Variants in NPAS3 observed in about 807,000 individuals in gnomAD.
NPAS3 encodes neuronal PAS domain protein 3.
A neutral mutation model predicts 73.1 loss-of-function variants in NPAS3; 14 were observed. That is an observed-to-expected ratio of 0.19 (90% CI 0.13 to 0.30). The LOEUF is 0.30. Among genes scored for constraint, NPAS3 ranks in the 10% least tolerant of loss-of-function variants. The pLI is 1.00. For missense variants in NPAS3, 1,096 were observed against 1,250.0 expected (o/e 0.88, Z 1.86); for synonymous variants, 620 against 541.5 (o/e 1.14, Z -2.01).
At chr14:33,637,629 C>T (rs187732794) in intron 5 of NPAS3, among the ~76,000 whole-genome samples, 1 of 152,264 alleles carries the variant, frequency 6.6e-6, no homozygotes, top group Admixed American at 6.5e-5. Flanking sequence ...AAAATCAATA[C>T]ATCTTAGGCA....
chr14:33,050,864 A>G (rs1389581721), intron 1 of NPAS3, among the ~76,000 whole-genome samples: 2 of 152,236 alleles, frequency 1.3e-5, no homozygotes, highest in Admixed American at 6.5e-5. Flanking sequence ...CTGTGTTCTA[A>G]GTGCAAGTTC....
intron 5 of NPAS3, among the ~76,000 whole-genome samples, chr14:33,639,445 T>C (rs560532488): frequency 9.2e-5 from 14 of 152,328 alleles, no homozygotes; most frequent in Admixed American, 5.2e-4. Flanking sequence ...ATAATGTATT[T>C]GGCTTTTCTG....
intron 1 of NPAS3, among the ~76,000 whole-genome samples, chr14:32,954,459 T>C (rs992675638): frequency 2.0e-5 from 3 of 152,124 alleles, no homozygotes; most frequent in African/African-American, 7.2e-5. Flanking sequence ...AGGTCATAGC[T>C]AGTAAAGTTT....
intron 3 of NPAS3, among the ~76,000 whole-genome samples, chr14:33,258,844 C>T (rs1027566658): frequency 9.2e-5 from 14 of 152,080 alleles, no homozygotes; most frequent in Admixed American, 3.9e-4. Context: ...GATGGAGTCT[C>T]GCTCTGTCAC....
chr14:33,414,087 T>G lies in NPAS3; in HGVS notation c.468+46819T>G, dbSNP rs574579742. On this transcript the variant is annotated intron_variant, in intron 4 of 11. Transcript: ENST00000356141. ...TCCTTAGTTAGAGACTCAGGTTATGTGCATATTGCAATATTTCCATGCATT... is the reference window on the plus strand; with the variant it reads ...TCCTTAGTTAGAGACTCAGGTTATGGGCATATTGCAATATTTCCATGCATT... Among the ~76,000 whole-genome samples the G allele has an allele frequency of 8.1e-4, 123 of 152,294 alleles. 3 individuals are homozygous for G. The East Asian group carries it at 0.012, about 14-fold the overall frequency.
At chr14:33,213,291 A>G (rs1311750892) in intron 2 of NPAS3, among the ~76,000 whole-genome samples, 1 of 152,230 alleles carries the variant, frequency 6.6e-6, no homozygotes, top group Non-Finnish European at 1.5e-5. Flanking sequence ...TAATTGCAAG[A>G]ACACAAAAAG....
chr14:33,404,938 A>G (rs1301112117), intron 4 of NPAS3, among the ~76,000 whole-genome samples: 1 of 152,062 alleles, frequency 6.6e-6, no homozygotes, highest in Non-Finnish European at 1.5e-5. Flanking sequence ...TGTTTGTCCC[A>G]TGTTGCTCTT....
chr14:33,419,912 A>C (rs1009265642), intron 4 of NPAS3, among the ~76,000 whole-genome samples: 2 of 151,960 alleles, frequency 1.3e-5, no homozygotes, highest in African/African-American at 4.8e-5. Context: ...GACAGAATAT[A>C]CTAAGTGCTT....
chr14:33,666,934 G>C (rs1394275998), intron 5 of NPAS3, among the ~76,000 whole-genome samples: 1 of 151,924 alleles, frequency 6.6e-6, no homozygotes, highest in East Asian at 1.9e-4. Flanking sequence ...AAGGATTCTT[G>C]CTTCTAGAGC....
rs371175656 is a variant in NPAS3 at position 33,446,418 on chromosome 14, A to G, written c.468+79150A>G. 8.3e-5 allele frequency among the ~76,000 whole-genome samples: 12 copies of G among 145,396 alleles called. No individual in the cohort carries two copies. In the South Asian group the frequency reaches 9.0e-4, roughly 11 times the overall value. On this transcript the variant is annotated intron_variant, in intron 4 of 11. Transcript: ENST00000356141. ...TCTCGATCTCCTGACCTCATGATCCACCCGCCTCGGCCTCCCAAAGTGCTG... is the reference window on the plus strand; with the variant it reads ...TCTCGATCTCCTGACCTCATGATCCGCCCGCCTCGGCCTCCCAAAGTGCTG...
At chr14:33,223,378 T>A (rs189973280) in intron 3 of NPAS3, among the ~76,000 whole-genome samples, 2 of 152,314 alleles carry the variant, frequency 1.3e-5, no homozygotes, top group Admixed American at 1.3e-4. Context: ...CTGGAGTCCG[T>A]TGAACAAATA....
intron 1 of NPAS3, among the ~76,000 whole-genome samples, chr14:33,039,897 A>G (rs2040296263): frequency 6.6e-6 from 1 of 152,142 alleles, no homozygotes; most frequent in African/African-American, 2.4e-5. Context: ...CACAAGGTAT[A>G]TTTGTATGTT....
chr14:33,349,905 C>G (rs537071592), intron 3 of NPAS3, among the ~76,000 whole-genome samples: 1 of 152,320 alleles, frequency 6.6e-6, no homozygotes, highest in South Asian at 2.1e-4. Flanking sequence ...AAATTCTTCT[C>G]TAGCAGGAGA....
chr14:33,480,850 A>C (rs1344720339), intron 4 of NPAS3, among the ~76,000 whole-genome samples: 1 of 152,008 alleles, frequency 6.6e-6, no homozygotes, highest in African/African-American at 2.4e-5. Context: ...TGATGCTTAT[A>C]CTGAGTAAGG....
intron 3 of NPAS3, among the ~76,000 whole-genome samples, chr14:33,246,537 C>CAAAAAAAAA (rs56270689): frequency 9.7e-6 from 1 of 103,204 alleles, no homozygotes; most frequent in Non-Finnish European, 1.9e-5. Context: ...GACTTCATCT[C>CAAAAAAAAA]AAAAAAAAAA....
At chr14:33,346,817 A>G (rs1186245368) in intron 3 of NPAS3, among the ~76,000 whole-genome samples, 2 of 152,132 alleles carry the variant, frequency 1.3e-5, no homozygotes, top group Non-Finnish European at 2.9e-5. Context: ...GGCAGGAGGA[A>G]ATATCCTTAC....
intron 1 of NPAS3, among the ~76,000 whole-genome samples, chr14:32,995,329 A>G (rs2038522651): frequency 6.6e-6 from 1 of 152,178 alleles, no homozygotes; most frequent in Non-Finnish European, 1.5e-5. Flanking sequence ...GCTCTTCCTT[A>G]CATGGTATTT....
At chr14:33,142,191 CTTTTT>C (rs10709910) in intron 2 of NPAS3, among the ~76,000 whole-genome samples, 2 of 38,082 alleles carry the variant, frequency 5.3e-5, no homozygotes, top group African/African-American at 1.1e-4. Flanking sequence ...TTTGTATAAG[CTTTTT>C]TTTTTTTTTT....
At chr14:33,241,099 C>T (rs2048200539) in intron 3 of NPAS3, among the ~76,000 whole-genome samples, 2 of 151,832 alleles carry the variant, frequency 1.3e-5, no homozygotes, top group African/African-American at 4.8e-5. Flanking sequence ...CTGGTTGAGA[C>T]ATTTTAATTC....
Sources: gnomAD v4.1 joint callset for allele counts (sites outside exome capture counted in the v4.1 genomes callset) on GRCh38, gnomAD v4.1.1 for gene constraint, MANE v1.5 for transcripts, NCBI Gene and HGNC (gene_info 2026-07-23, HGNC 2026-07-21) for gene names.